Variants in ALOX5 observed in about 807,000 individuals in gnomAD.
ALOX5 encodes arachidonate 5-lipoxygenase, also known as polyunsaturated fatty acid 5-lipoxygenase.
Under a neutral mutation model 87.9 loss-of-function variants are expected in ALOX5, and 64 were observed. That is an observed-to-expected ratio of 0.73 (90% CI 0.60 to 0.90). The LOEUF (loss-of-function observed/expected upper bound fraction) is 0.90. ALOX5 is among the 40% of genes least tolerant of loss of function. The pLI, the probability that ALOX5 is intolerant of heterozygous loss-of-function variation, is 0.00. For synonymous variants in ALOX5, 388 were observed against 355.1 expected, an observed-to-expected ratio of 1.09 and a Z score of -1.04; for missense variants, 822 against 907.5, an observed-to-expected ratio of 0.91 and a Z score of 1.21.
chr10:45,443,637 G>T, intron 11 of ALOX5, 91 bp from the exon 12 acceptor site: 1 of 1,590,168 alleles, frequency 6.3e-7, no homozygotes, highest in Non-Finnish European at 8.6e-7. Context: ...GTGCCCTCCG[G>T]CCTTGGGGCA....
chr10:45,389,263 C>G (rs1026184200), intron 2 of ALOX5, among the ~76,000 whole-genome samples: 4 of 152,172 alleles, frequency 2.6e-5, no homozygotes, highest in African/African-American at 7.2e-5. Context: ...GGTTGGAAAA[C>G]ACTCTGCAGG....
At chr10:45,414,912 A>G (rs1268869154) in intron 4 of ALOX5, among the ~76,000 whole-genome samples, 1 of 152,170 alleles carries the variant, frequency 6.6e-6, no homozygotes, top group East Asian at 1.9e-4. Flanking sequence ...TTAGAATGGC[A>G]ATCATTAAAA....
chr10:45,414,521 G>A (rs565269875), intron 4 of ALOX5, among the ~76,000 whole-genome samples: 31 of 152,266 alleles, frequency 2.0e-4, no homozygotes, highest in Admixed American at 1.4e-3. Context: ...TCAGGACATA[G>A]GCATGGGCAA....
chr10:45,434,601 G>A (rs1227756772), intron 7 of ALOX5, among the ~76,000 whole-genome samples: 2 of 152,192 alleles, frequency 1.3e-5, no homozygotes, highest in East Asian at 1.9e-4. Flanking sequence ...CATATCTGTC[G>A]TATACAAATA....
intron 1 of ALOX5, among the ~76,000 whole-genome samples, chr10:45,380,665 G>GTAATCCCCT (rs1839794222): frequency 1.3e-5 from 2 of 152,250 alleles, no homozygotes; most frequent in South Asian, 4.1e-4. Context: ...GCAGGGGCCA[G>GTAATCCCCT]GCACAGTGGC....
intron 6 of ALOX5, among the ~76,000 whole-genome samples, chr10:45,426,110 G>C (rs1841695745): frequency 2.0e-5 from 3 of 152,224 alleles, no homozygotes; most frequent in Non-Finnish European, 4.4e-5. Context: ...CACACTGAGA[G>C]AGCATCTGTG....
intron 7 of ALOX5, among the ~76,000 whole-genome samples, chr10:45,437,468 A>G (rs1361157917): frequency 6.6e-6 from 1 of 152,064 alleles, no homozygotes; most frequent in Non-Finnish European, 1.5e-5. Context: ...AGTTTTTTCT[A>G]AAGACTAACT....
chr10:45,383,328 G>A (rs530880388), intron 2 of ALOX5, among the ~76,000 whole-genome samples: 3 of 152,384 alleles, frequency 2.0e-5, no homozygotes, highest in East Asian at 1.9e-4. Flanking sequence ...ACACACAGCT[G>A]ACCTGGTACA....
intron 2 of ALOX5, 27 bp downstream of exon 2, chr10:45,382,708 C>T (rs376513613): frequency 7.7e-5 from 123 of 1,597,732 alleles, no homozygotes; most frequent in Non-Finnish European, 9.6e-5. Flanking sequence ...CCTTCTGCCC[C>T]GGGCTTCCCA....
chr10:45,394,260 T>C (rs994449628), intron 2 of ALOX5, among the ~76,000 whole-genome samples: 26 of 152,114 alleles, frequency 1.7e-4, no homozygotes, highest in Non-Finnish European at 3.1e-4. Context: ...AACAGAGATA[T>C]AGACCAATGG....
intron 2 of ALOX5, among the ~76,000 whole-genome samples, chr10:45,385,057 G>A (rs1839965923): frequency 6.6e-6 from 1 of 152,078 alleles, no homozygotes. Flanking sequence ...ATGTTGGCCA[G>A]GCTAGTCTGG....
At position 45,395,952 on chromosome 10, in the gene ALOX5, A is replaced by T; in HGVS notation, c.431+16A>T. ...AACAATATCGGTGAGTTATGACATC[A>T]GATCGAGTGGCCACGGGGCCATGGT... On this transcript the variant is annotated intron_variant, in intron 3 of 13. Coordinates refer to ENST00000374391, the MANE Select transcript of ALOX5 (RefSeq NM_000698.5). The T allele has an allele frequency of 6.2e-7, 1 of 1,612,846 alleles. No homozygotes were observed. The highest frequency in any genetic ancestry group is 8.5e-7 in the Non-Finnish European group (1 of 1,178,752).
intron 3 of ALOX5, among the ~76,000 whole-genome samples, chr10:45,400,054 G>A (rs1252000464): frequency 6.6e-6 from 1 of 152,184 alleles, no homozygotes; most frequent in African/African-American, 2.4e-5. Context: ...GTAAGATGAT[G>A]CAGCCACTTC....
chr10:45,445,716 C>G lies in ALOX5; in HGVS notation c.*29C>G, dbSNP rs373153066. Reference sequence around the variant, plus strand: ...CACTGCCAGTCTCACTGTGGGAAGGCCAGCTGCCCCAGCCAGATGGACTCC... The same window carrying G: ...CACTGCCAGTCTCACTGTGGGAAGGGCAGCTGCCCCAGCCAGATGGACTCC... On this transcript the variant is annotated 3_prime_UTR_variant, in exon 14 of 14. Transcript: ENST00000374391. 1.3e-6 allele frequency: 2 copies of G among 1,590,836 alleles called. No homozygotes were observed. The highest frequency in any genetic ancestry group is 1.7e-6 in the Non-Finnish European group (2 of 1,162,880).
chr10:45,419,301 C>T (rs968029166), intron 4 of ALOX5, among the ~76,000 whole-genome samples: 1 of 138,148 alleles, frequency 7.2e-6, no homozygotes, highest in African/African-American at 2.9e-5. Context: ...GCGGGGCACC[C>T]GGCCGGGGGG....
At chr10:45,383,305 T>C (rs1039356817) in intron 2 of ALOX5, among the ~76,000 whole-genome samples, 1 of 152,344 alleles carries the variant, frequency 6.6e-6, no homozygotes, top group Admixed American at 6.5e-5. Context: ...TAGGAGGCCA[T>C]TCTTTGTTAG....
rs185223933 is a variant in ALOX5, at chr10:45,374,717, G to T, written c.150+288G>T. Among the ~76,000 whole-genome samples, 163 of 152,328 alleles carry T rather than the reference G, an allele frequency of 1.1e-3. 1 individual carries two copies. The highest frequency in any genetic ancestry group is 3.4e-3 in the Middle Eastern group (1 of 294). ...GTGCCGCCTGCAAGGCGTCTTCCCT[G>T]GGAGGAGAAGGCCCAAGGTTTCCCC... On this transcript the variant is annotated intron_variant, in intron 1 of 13. Coordinates refer to ENST00000374391, the MANE Select transcript of ALOX5 (RefSeq NM_000698.5).
chr10:45,394,880 G>T (rs1351843897), intron 2 of ALOX5, among the ~76,000 whole-genome samples: 1 of 152,248 alleles, frequency 6.6e-6, no homozygotes, highest in East Asian at 1.9e-4. Flanking sequence ...GGCCATCAGA[G>T]AAATGCAAAT....
chr10:45,424,204 G>A, intron 5 of ALOX5, 57 bp downstream of exon 5: 1 of 1,435,124 alleles, frequency 7.0e-7, no homozygotes, highest in Non-Finnish European at 9.8e-7. Flanking sequence ...CTGCTCTCCT[G>A]TCTGATACTT....
Sources: gnomAD v4.1 joint callset for allele counts (sites outside exome capture counted in the v4.1 genomes callset) on GRCh38, gnomAD v4.1.1 for gene constraint, MANE v1.5 for transcripts, NCBI Gene and HGNC (gene_info 2026-07-23, HGNC 2026-07-21) for gene names.